Variants in KCNJ10 observed in about 807,000 individuals in gnomAD.
KCNJ10 encodes the protein potassium inwardly rectifying channel subfamily J member 10.
KCNJ10 carries 9 observed loss-of-function variants against 22.2 expected under a neutral mutation model. The observed-to-expected ratio is 0.40, with a 90% CI of 0.24 to 0.71. The LOEUF is 0.71. Ranked by LOEUF, KCNJ10 falls within the 30% of genes least tolerant of loss-of-function variation. KCNJ10 has a pLI of 0.35. For missense variants in KCNJ10, 337 were observed against 482.7 expected (o/e 0.70, Z 2.83); for synonymous variants, 184 against 187.3 (o/e 0.98, Z 0.15).
In KCNJ10 at chr1:160,042,295, A is replaced by G. The variant is rs377638115; in HGVS notation, c.238T>C (p.Phe80Leu). The G allele has an allele frequency of 6.2e-7, 1 of 1,613,914 alleles. No individual in the cohort carries two copies. The highest frequency in any genetic ancestry group is 8.5e-7 in the Non-Finnish European group (1 of 1,179,768). ...AGATACCACACCACGCCAAAGAGGA[A>G]CCATGTGCCTGCAAAGGTCGCAGAG... ...LFSATFAGTW[F>L]LFGVVWYLVA... The change falls in exon 2 of 2, where the codon TTC becomes CTC. Residue 80 changes from phenylalanine (F) to leucine (L), a missense_variant. Phe to Leu is a conservative substitution (Grantham distance 22, BLOSUM62 0). Coordinates refer to ENST00000644903, the MANE Select transcript of KCNJ10 (RefSeq NM_002241.5).
chr1:160,060,782 C>G (rs1378598781), intron 1 of KCNJ10, among the ~76,000 whole-genome samples: 2 of 152,092 alleles, frequency 1.3e-5, no homozygotes, highest in East Asian at 3.9e-4. Flanking sequence ...GCAGGTGAGC[C>G]GTAGATACAG....
At chr1:160,057,893 T>C (rs1328947955) in intron 1 of KCNJ10, among the ~76,000 whole-genome samples, 1 of 151,966 alleles carries the variant, frequency 6.6e-6, no homozygotes, top group Non-Finnish European at 1.5e-5. Context: ...GAGGGGAGGC[T>C]TGGACCTAGG....
At chr1:160,053,817 G>A (rs1648960186) in intron 1 of KCNJ10, among the ~76,000 whole-genome samples, 1 of 152,166 alleles carries the variant, frequency 6.6e-6, no homozygotes, top group Admixed American at 6.5e-5. Flanking sequence ...CAAAAGAAAG[G>A]ATAAAAGCCT....
At chr1:160,050,318 A>G (rs2101929147) in intron 1 of KCNJ10, among the ~76,000 whole-genome samples, 1 of 148,982 alleles carries the variant, frequency 6.7e-6, no homozygotes, top group East Asian at 2.0e-4. Context: ...TTTTTTGTAG[A>G]GATGGGATCC....
intron 1 of KCNJ10, chr1:160,062,757 G>C (rs1399766159): frequency 6.6e-6 from 1 of 152,208 alleles, no homozygotes; most frequent in African/African-American, 2.4e-5. Context: ...CTATGCAAAG[G>C]AATTTTGTGG....
chr1:160,056,622 G>A lies in KCNJ10; in HGVS notation c.-1+13400C>T, dbSNP rs115525321. Among the ~76,000 whole-genome samples the A allele has an allele frequency of 6.2e-3, 951 of 152,242 alleles. 14 individuals are homozygous for A. The highest frequency in any genetic ancestry group is 0.022 in the African/African-American group (916 of 41,520). On this transcript the variant is annotated intron_variant, in intron 1 of 1. Transcript: ENST00000644903. ...ATAGTTACTCTCCCTCTATGTTCCC[G>A]GGACATTTGCCACATCATCCTTTGT...
intron 1 of KCNJ10, among the ~76,000 whole-genome samples, chr1:160,052,840 G>A (rs1476056787): frequency 2.0e-5 from 3 of 152,188 alleles, no homozygotes; most frequent in Non-Finnish European, 2.9e-5. Flanking sequence ...GCATACACTA[G>A]TATGTCAGGA....
chr1:160,042,673 T>C, intron 1 of KCNJ10, 141 bp from the exon 2 acceptor site: 1 of 868,200 alleles, frequency 1.2e-6, no homozygotes, highest in East Asian at 2.6e-5. Flanking sequence ...TATTGAGCAC[T>C]TGCTATGTGC....
At chr1:160,058,738 G>A (rs900038178) in intron 1 of KCNJ10, among the ~76,000 whole-genome samples, 3 of 152,120 alleles carry the variant, frequency 2.0e-5, no homozygotes, top group Non-Finnish European at 4.4e-5. Context: ...GACCTCCCTA[G>A]CATCAGTGTT....
At chr1:160,043,971 A>G (rs1648678486) in intron 1 of KCNJ10, among the ~76,000 whole-genome samples, 1 of 152,172 alleles carries the variant, frequency 6.6e-6, no homozygotes, top group Non-Finnish European at 1.5e-5. Context: ...GGCTCATTAC[A>G]TTCTCCATTC....
At chr1:160,053,859 G>T (rs567315327) in intron 1 of KCNJ10, among the ~76,000 whole-genome samples, 1 of 152,310 alleles carries the variant, frequency 6.6e-6, no homozygotes, top group South Asian at 2.1e-4. Flanking sequence ...TGTAACCTCT[G>T]CATGGCCCTT....
At chr1:160,052,640 C>A (rs767508425) in intron 1 of KCNJ10, among the ~76,000 whole-genome samples, 30 of 152,166 alleles carry the variant, frequency 2.0e-4, no homozygotes, top group Non-Finnish European at 3.7e-4. Context: ...TGTGTAAAAG[C>A]CACTCAGAAC....
In KCNJ10 at chr1:160,042,168, G is replaced by A; in HGVS notation, c.365C>T (p.Ser122Phe). The part of the protein sequence containing the change: ...VHTLTGAFLF[S>F]LESQTTIGYG... Reference sequence around the variant, plus strand: ...GCCAATGGTGGTTTGGGATTCAAGGGAGAAGAGGAAGGCTCCAGTGAGTGT... The same window carrying A: ...GCCAATGGTGGTTTGGGATTCAAGGAAGAAGAGGAAGGCTCCAGTGAGTGT... The change falls in exon 2 of 2, where the codon TCC becomes TTC. Residue 122 changes from serine to phenylalanine, a missense_variant. Ser to Phe is a radical substitution (Grantham distance 155). Around this residue, in one of 3 missense-constraint regions of KCNJ10, gnomAD observed 165 missense variants for 281.5 expected, o/e 0.59. Transcript: ENST00000644903. 1 of 1,594,758 alleles carries A rather than the reference G, an allele frequency of 6.3e-7. No homozygotes were observed. Among genetic ancestry groups the A allele is most frequent in the Non-Finnish European group, 8.6e-7 (1 of 1,167,830 alleles).
intron 1 of KCNJ10, among the ~76,000 whole-genome samples, chr1:160,049,093 G>A (rs943281740): frequency 6.6e-6 from 1 of 152,198 alleles, no homozygotes; most frequent in Non-Finnish European, 1.5e-5. Context: ...GAGGCTCAGA[G>A]AGATGGTGTG....
intron 1 of KCNJ10, among the ~76,000 whole-genome samples, chr1:160,057,998 G>C (rs1649083219): frequency 6.6e-6 from 1 of 152,102 alleles, no homozygotes; most frequent in African/African-American, 2.4e-5. Context: ...TGTAGAGGCT[G>C]TTTCATCAGC....
At chr1:160,057,383 G>T (rs1195432771) in intron 1 of KCNJ10, among the ~76,000 whole-genome samples, 1 of 152,070 alleles carries the variant, frequency 6.6e-6, no homozygotes, top group Non-Finnish European at 1.5e-5. Flanking sequence ...CCATCCCTTC[G>T]ATCTCCTTTC....
intron 1 of KCNJ10, among the ~76,000 whole-genome samples, chr1:160,066,498 G>T (rs879264501): frequency 5.3e-5 from 8 of 152,144 alleles, no homozygotes; most frequent in Non-Finnish European, 1.2e-4. Flanking sequence ...AAAAGCAATG[G>T]CCCACAACTC....
At chr1:160,043,314 CAA>C (rs1491369700) in intron 1 of KCNJ10, among the ~76,000 whole-genome samples, 4,861 of 145,940 alleles carry the variant, frequency 0.033, 117 homozygotes, top group Non-Finnish European at 0.047. Context: ...CACACACACA[CAA>C]CCTTAATTTC....
At chr1:160,048,211 G>A (rs577862645) in intron 1 of KCNJ10, among the ~76,000 whole-genome samples, 17 of 152,374 alleles carry the variant, frequency 1.1e-4, no homozygotes, top group African/African-American at 4.1e-4. Flanking sequence ...CTGAAAGCCT[G>A]ATCTGGACGG....
Sources: allele counts gnomAD v4.1 joint callset (sites outside exome capture counted in the v4.1 genomes callset), GRCh38; gene constraint gnomAD v4.1.1; regional missense constraint gnomAD v4.1.1; transcripts MANE v1.5; gene names NCBI Gene and HGNC (gene_info 2026-07-23, HGNC 2026-07-21).